Variants in MACROD1 observed in about 807,000 individuals in gnomAD.
The protein encoded by MACROD1 is mono-ADP ribosylhydrolase 1.
In MACROD1, 31 loss-of-function variants were observed where a neutral mutation model predicts 41.4. That is an observed-to-expected ratio of 0.75 (90% confidence interval 0.56 to 1.01). The LOEUF (loss-of-function observed/expected upper bound fraction) is 1.01. Among genes scored for constraint, MACROD1 ranks in the 50% least tolerant of loss-of-function variants. MACROD1 has a pLI of 0.00. For synonymous variants in MACROD1, 252 were observed against 203.4 expected (o/e 1.24, Z -2.03); for missense variants, 473 against 460.0 (o/e 1.03, Z -0.26).
At chr11:64,065,808 A>G (rs1943994392) in intron 3 of MACROD1, among the ~76,000 whole-genome samples, 2 of 151,340 alleles carry the variant, frequency 1.3e-5, no homozygotes, top group South Asian at 4.2e-4. Flanking sequence ...AAAAAAAAAA[A>G]AAGATGAACA....
At chr11:64,098,786 G>C (rs140810122) in intron 3 of MACROD1, among the ~76,000 whole-genome samples, 5 of 152,286 alleles carry the variant, frequency 3.3e-5, no homozygotes, top group Non-Finnish European at 7.3e-5. Flanking sequence ...TCTTCCCAGG[G>C]AGGGGGCAGG....
At chr11:64,023,685 C>G (rs1378249717) in intron 3 of MACROD1, among the ~76,000 whole-genome samples, 1 of 152,164 alleles carries the variant, frequency 6.6e-6, no homozygotes, top group Non-Finnish European at 1.5e-5. Flanking sequence ...CTCCTTCCCA[C>G]TGGGCCCATT....
chr11:64,139,863 G>A (rs552031943), intron 3 of MACROD1, among the ~76,000 whole-genome samples: 2 of 152,188 alleles, frequency 1.3e-5, no homozygotes, highest in African/African-American at 2.4e-5. Context: ...GGCTGAGGCA[G>A]GAGAATAGCA....
At chr11:64,061,915 A>C (rs1943912593) in intron 3 of MACROD1, among the ~76,000 whole-genome samples, 1 of 115,748 alleles carries the variant, frequency 8.6e-6, no homozygotes, top group Admixed American at 1.1e-4. Flanking sequence ...GAGTCTTGCT[A>C]TGTTGCCCAG....
intron 1 of MACROD1, among the ~76,000 whole-genome samples, chr11:64,162,376 G>A (rs1180523361): frequency 1.3e-5 from 2 of 151,994 alleles, no homozygotes; most frequent in African/African-American, 2.4e-5. Flanking sequence ...GGTGATGCGC[G>A]CCTGTACTTC....
intron 3 of MACROD1, among the ~76,000 whole-genome samples, chr11:64,015,864 C>T (rs973229026): frequency 2.6e-5 from 4 of 152,148 alleles, no homozygotes; most frequent in African/African-American, 9.7e-5. Flanking sequence ...AGGGACAAGG[C>T]GAGCCGGGTA....
chr11:64,051,510 CT>C (rs1360236946), intron 3 of MACROD1, among the ~76,000 whole-genome samples: 1 of 152,182 alleles, frequency 6.6e-6, no homozygotes, highest in Non-Finnish European at 1.5e-5. Context: ...TCGCTCCTGG[CT>C]CCTGGGCGGC....
intron 3 of MACROD1, among the ~76,000 whole-genome samples, chr11:64,108,462 G>A (rs1039621904): frequency 2.0e-5 from 3 of 152,210 alleles, no homozygotes; most frequent in African/African-American, 7.2e-5. Context: ...GTCTCCCTGA[G>A]CACCAGGAAG....
chr11:64,138,821 G>A (rs1380512690), intron 3 of MACROD1, among the ~76,000 whole-genome samples: 1 of 151,946 alleles, frequency 6.6e-6, no homozygotes, highest in Non-Finnish European at 1.5e-5. Context: ...AGGCTGGAGT[G>A]CGGTGGCACC....
At chr11:64,135,135 T>C (rs772300086) in intron 3 of MACROD1, among the ~76,000 whole-genome samples, 26 of 152,206 alleles carry the variant, frequency 1.7e-4, no homozygotes, top group Admixed American at 6.5e-4. Flanking sequence ...ACACTGCCAG[T>C]GGCTGGCAAG....
Position 64,064,668 on chromosome 11 carries a change from A to G in MACROD1, c.518-49387T>C, listed in dbSNP as rs557323907. Among the ~76,000 whole-genome samples the G allele has an allele frequency of 1.4e-4, 20 of 138,946 alleles. No individual in the cohort carries two copies. The highest frequency in any genetic ancestry group is 4.4e-4 in the African/African-American group (15 of 34,128). The allele number at this position is 138,946 out of a possible 152,430, so 91.2% of individuals were successfully genotyped here. ...AGTAGGGGCCTCTGGCAGGACATTA[A>G]ACGGCACCGAGATAGAAGGAGGGGG... On this transcript the variant is annotated intron_variant, in intron 3 of 10. Coordinates refer to ENST00000255681, the MANE Select transcript of MACROD1 (RefSeq NM_014067.4). The surrounding 1 kb of genome is among the most constrained non-coding windows in gnomAD (Gnocchi z 4.5).
chr11:64,011,977 G>A (rs1943022506), intron 4 of MACROD1, among the ~76,000 whole-genome samples: 1 of 152,034 alleles, frequency 6.6e-6, no homozygotes, highest in Non-Finnish European at 1.5e-5. Flanking sequence ...CCCCAGCATC[G>A]TCCCTACCAC....
At position 64,015,332 on chromosome 11, in the gene MACROD1, G is replaced by A. The variant is rs192578818; in HGVS notation, c.518-51C>T. 14 of 1,559,436 alleles carry A rather than the reference G, an allele frequency of 9.0e-6. No individual in the cohort carries two copies. The East Asian group carries it at 3.0e-4, about 34-fold the overall frequency. ...ATCAGTGGGGAAGGGGCTGCGGCGG[G>A]AGTATCAGCCTTGAGGGGAGGGTGA... is the stretch of plus-strand genomic sequence containing the variant. On this transcript the variant is annotated intron_variant, in intron 3 of 10. Transcript: ENST00000255681.
At chr11:64,135,091 A>G (rs960504517) in intron 3 of MACROD1, among the ~76,000 whole-genome samples, 1 of 152,240 alleles carries the variant, frequency 6.6e-6, no homozygotes, top group African/African-American at 2.4e-5. Flanking sequence ...GGTAAAACCC[A>G]GAGGGCTTAT....
chr11:64,150,843 C>T (rs1219323197), intron 3 of MACROD1, among the ~76,000 whole-genome samples: 1 of 152,224 alleles, frequency 6.6e-6, no homozygotes, highest in African/African-American at 2.4e-5. Flanking sequence ...CGACAAGCTC[C>T]CTCACCCGCC....
chr11:64,047,421 G>C (rs1405807737), intron 3 of MACROD1, among the ~76,000 whole-genome samples: 1 of 152,162 alleles, frequency 6.6e-6, no homozygotes, highest in Admixed American at 6.5e-5. Context: ...TCCATGCCAT[G>C]GGGTCCCTGT....
rs1423172365 is a variant in MACROD1 at position 64,165,753 on chromosome 11, AG to A, written c.241del (p.Leu81TrpfsTer9). The part of the protein sequence containing the change: ...RTAGVRTWAP[L>X]AMAAKVDLST... ...CAGGTCCACCTTCGCCGCCATGGCC[AG>A]GGGGGCCCAAGTGCGCACCCCGGCT... On this transcript the variant is annotated frameshift_variant, in exon 1 of 11. Transcript: ENST00000255681. LOFTEE classifies it high-confidence loss of function. The A allele has an allele frequency of 4.7e-6, 7 of 1,498,902 alleles. No individual in the cohort carries two copies. Among genetic ancestry groups the A allele is most frequent in the South Asian group, 4.0e-5 (3 of 75,750 alleles). The allele number at this position is 1,498,902 out of a possible 1,614,324, so 92.9% of individuals were successfully genotyped here. A position where few individuals can be genotyped will look rare whatever the true frequency, so the allele number is the denominator to read the frequency against.
Position 63,998,969 on chromosome 11 carries a change from T to C in MACROD1, c.959A>G (p.His320Arg). 2 of 1,603,616 alleles carry C rather than the reference T, an allele frequency of 1.2e-6. No individual in the cohort carries two copies. The highest frequency in any genetic ancestry group is 1.7e-6 in the Non-Finnish European group (2 of 1,176,646). ...DEDIYRSRLP[H>R]YFPVA Reference sequence around the variant, plus strand: ...GGGGCACGTACCCACGGGGAAGTAGTGGGGGAGCCGGCTCCGGTAGATGTC... The same window carrying C: ...GGGGCACGTACCCACGGGGAAGTAGCGGGGGAGCCGGCTCCGGTAGATGTC... Residue 320 changes from histidine (H) to arginine (R), a missense_variant, in exon 9 of 11, where the codon CAC becomes CGC. Coordinates refer to ENST00000255681, the MANE Select transcript of MACROD1 (RefSeq NM_014067.4).
chr11:64,058,367 C>T (rs1943831280), intron 3 of MACROD1, among the ~76,000 whole-genome samples: 4 of 152,252 alleles, frequency 2.6e-5, no homozygotes, highest in Admixed American at 2.6e-4. Flanking sequence ...CCAGGCAGGG[C>T]TTAGTCTGGA....
Sources: gnomAD v4.1 joint callset for allele counts (sites outside exome capture counted in the v4.1 genomes callset) on GRCh38, gnomAD v4.1.1 for gene constraint, Gnocchi (gnomAD v3.1) non-coding constraint, MANE v1.5 for transcripts, NCBI Gene and HGNC (gene_info 2026-07-23, HGNC 2026-07-21) for gene names.